Variants in CABIN1 observed in about 807,000 individuals in gnomAD.
CABIN1 encodes calcineurin binding protein 1.
CABIN1 carries 133 observed loss-of-function variants against 227.7 expected under a neutral mutation model. That is an observed-to-expected ratio of 0.58 (90% CI 0.51 to 0.67). CABIN1 has a LOEUF of 0.67. Ranked by LOEUF, CABIN1 falls within the 30% of genes least tolerant of loss-of-function variation. The probability of loss-of-function intolerance (pLI) is 0.00; values close to 1 mark genes in which losing one functional copy is unlikely to be tolerated. For missense variants in CABIN1, 2,408 were observed against 2,852.5 expected, an observed-to-expected ratio of 0.84 and a Z score of 3.55; for synonymous variants, 1,086 against 1,155.1, an observed-to-expected ratio of 0.94 and a Z score of 1.21.
At chr22:24,163,000 G>C (rs952934351) in intron 29 of CABIN1, among the ~76,000 whole-genome samples, 3 of 152,202 alleles carry the variant, frequency 2.0e-5, no homozygotes, top group Admixed American at 1.3e-4. Flanking sequence ...ACTGTAGATA[G>C]ACCCTGTCTG....
intron 26 of CABIN1, among the ~76,000 whole-genome samples, chr22:24,113,043 G>C (rs1481391176): frequency 6.6e-6 from 1 of 152,138 alleles, no homozygotes; most frequent in African/African-American, 2.4e-5. Context: ...TACATCTGTG[G>C]CTCCCAGAGA....
At chr22:24,165,090 G>A (rs1172406693) in intron 30 of CABIN1, among the ~76,000 whole-genome samples, 1 of 152,226 alleles carries the variant, frequency 6.6e-6, no homozygotes, top group Non-Finnish European at 1.5e-5. Context: ...ATGTAGATGG[G>A]CCTGGCCTGG....
intron 26 of CABIN1, among the ~76,000 whole-genome samples, chr22:24,105,562 A>T (rs937153632): frequency 4.6e-5 from 7 of 152,272 alleles, no homozygotes; most frequent in Middle Eastern, 3.4e-3. Flanking sequence ...ATCAGCTCTC[A>T]GCTCCTGAGT....
intron 26 of CABIN1, among the ~76,000 whole-genome samples, chr22:24,110,869 A>ATTTT (rs782713456): frequency 0.013 from 1,867 of 149,146 alleles, 37 homozygotes; most frequent in African/African-American, 0.037. Flanking sequence ...CCTAGGTGTG[A>ATTTT]TTTTTTTTTT....
chr22:24,153,908 C>A (rs1396037774), intron 29 of CABIN1, among the ~76,000 whole-genome samples: 4 of 152,198 alleles, frequency 2.6e-5, no homozygotes, highest in Admixed American at 2.6e-4. Context: ...GCACTGGGAC[C>A]CCAAGCTGCC....
At chr22:24,120,927 G>A (rs1372441482) in intron 28 of CABIN1, among the ~76,000 whole-genome samples, 1 of 152,204 alleles carries the variant, frequency 6.6e-6, no homozygotes, top group East Asian at 1.9e-4. Context: ...GTGCTGTTGT[G>A]CCTCTGCAAA....
chr22:24,075,171 C>G (rs1358152966), intron 18 of CABIN1, among the ~76,000 whole-genome samples: 2 of 151,926 alleles, frequency 1.3e-5, no homozygotes, highest in Non-Finnish European at 1.5e-5. Context: ...CCATTGTACT[C>G]CAGCCTGGGC....
intron 29 of CABIN1, among the ~76,000 whole-genome samples, chr22:24,162,534 T>C (rs1227925706): frequency 1.3e-5 from 2 of 152,216 alleles, no homozygotes; most frequent in Non-Finnish European, 2.9e-5. Context: ...GGCCTGACCC[T>C]GCCCGGGAAA....
chr22:24,062,128 C>A, intron 13 of CABIN1, 103 bp downstream of exon 13: 1 of 914,294 alleles, frequency 1.1e-6, no homozygotes, highest in Non-Finnish European at 1.8e-6. Flanking sequence ...AGCCTTATAT[C>A]TACAGTAGGC....
At position 24,098,327 on chromosome 22, in the gene CABIN1, G is replaced by A; in HGVS notation, c.4117+135G>A. The A allele has an allele frequency of 3.9e-6, 6 of 1,532,630 alleles. No homozygotes were observed. The South Asian group carries it at 7.0e-5, about 18-fold the overall frequency. The allele number at this position is 1,532,630 out of a possible 1,614,324, so 94.9% of individuals were successfully genotyped here. On this transcript the variant is annotated intron_variant, in intron 26 of 36. Transcript: ENST00000263119. ...CTGGGGTGACACGGGCAATGTTGCGGCTGCTCATTAACCTCATGGATTCAC... is the reference window on the plus strand; with the variant it reads ...CTGGGGTGACACGGGCAATGTTGCGACTGCTCATTAACCTCATGGATTCAC...
At chr22:24,141,972 C>A (rs2044790178) in intron 29 of CABIN1, among the ~76,000 whole-genome samples, 1 of 152,126 alleles carries the variant, frequency 6.6e-6, no homozygotes, top group South Asian at 2.1e-4. Flanking sequence ...ATTTCTGGTA[C>A]CCCATACCTG....
chr22:24,118,144 A>G (rs1305196240), intron 27 of CABIN1, among the ~76,000 whole-genome samples: 4 of 151,930 alleles, frequency 2.6e-5, no homozygotes, highest in Admixed American at 1.3e-4. Flanking sequence ...TGCCAACACC[A>G]CTGGGGGCAG....
At chr22:24,064,458 T>G (rs2039436381) in intron 15 of CABIN1, among the ~76,000 whole-genome samples, 1 of 151,004 alleles carries the variant, frequency 6.6e-6, no homozygotes, top group Non-Finnish European at 1.5e-5. Flanking sequence ...CCACCTGTCT[T>G]GGCCTCTCGC....
rs2047178709 is a variant in CABIN1 at position 24,177,438 on chromosome 22, G to A, written c.6206-66G>A. ...CAGGACCTGGGGGGAGCGGGTGGGGGCGAGATAAAGTGCTCACTGTGTGAT... is the reference window on the plus strand; with the variant it reads ...CAGGACCTGGGGGGAGCGGGTGGGGACGAGATAAAGTGCTCACTGTGTGAT... On this transcript the variant is annotated intron_variant, in intron 35 of 36. Transcript: ENST00000263119. The surrounding 1 kb of genome is among the most constrained non-coding windows in gnomAD (Gnocchi z 4.4). The A allele has an allele frequency of 7.3e-7, 1 of 1,361,292 alleles. No homozygotes were observed. Among genetic ancestry groups the A allele is most frequent in the Admixed American group, 2.3e-5 (1 of 44,050 alleles). The allele number at this position is 1,361,292 out of a possible 1,614,324, so 84.3% of individuals were successfully genotyped here.
intron 32 of CABIN1, among the ~76,000 whole-genome samples, chr22:24,167,532 C>T (rs1235568784): frequency 6.6e-6 from 1 of 152,260 alleles, no homozygotes; most frequent in Admixed American, 6.5e-5. Flanking sequence ...TTATCACAAC[C>T]AGCGCGGGGA....
At chr22:24,045,120 T>G (rs576323468) in intron 6 of CABIN1, among the ~76,000 whole-genome samples, 17 of 152,164 alleles carry the variant, frequency 1.1e-4, no homozygotes, top group Non-Finnish European at 2.4e-4. Context: ...GAGACAGGGT[T>G]TCACCGTGTT....
chr22:24,145,122 G>A (rs1006804206), intron 29 of CABIN1, among the ~76,000 whole-genome samples: 5 of 152,216 alleles, frequency 3.3e-5, no homozygotes, highest in African/African-American at 1.2e-4. Flanking sequence ...AGAGTTGCAT[G>A]CTATACGCAG....
intron 29 of CABIN1, among the ~76,000 whole-genome samples, chr22:24,134,768 G>A (rs984764123): frequency 6.6e-6 from 1 of 152,220 alleles, no homozygotes; most frequent in African/African-American, 2.4e-5. Context: ...GCACGTAGGA[G>A]ATTCTGACTG....
intron 29 of CABIN1, among the ~76,000 whole-genome samples, chr22:24,140,107 G>C (rs1308828771): frequency 1.3e-5 from 2 of 152,224 alleles, no homozygotes; most frequent in Non-Finnish European, 1.5e-5. Context: ...GGCACCCTCG[G>C]GGGAACTCCT....
Sources: allele counts gnomAD v4.1 joint callset (sites outside exome capture counted in the v4.1 genomes callset), GRCh38; gene constraint gnomAD v4.1.1; non-coding constraint Gnocchi (gnomAD v3.1); transcripts MANE v1.5; gene names NCBI Gene and HGNC (gene_info 2026-07-23, HGNC 2026-07-21).